Variants in RBM20 observed in about 807,000 individuals in gnomAD.
RBM20 encodes RNA binding motif protein 20.
Under a neutral mutation model 110.1 loss-of-function variants are expected in RBM20, and 51 were observed. The ratio of observed to expected loss-of-function variants is 0.46; its 90% CI spans 0.37 to 0.59. The LOEUF is 0.59. Ranked by LOEUF, RBM20 falls within the 20% of genes least tolerant of loss-of-function variation. The pLI is 0.00. For missense variants in RBM20, 1,512 were observed against 1,574.9 expected, an observed-to-expected ratio of 0.96 and a Z score of 0.68; for synonymous variants, 589 against 618.2, an observed-to-expected ratio of 0.95 and a Z score of 0.70.
intron 1 of RBM20, among the ~76,000 whole-genome samples, chr10:110,707,449 G>C (rs913423418): frequency 2.6e-5 from 4 of 152,110 alleles, no homozygotes; most frequent in Non-Finnish European, 1.5e-5. Flanking sequence ...GTTTTTTCTG[G>C]TTTTATTGCC....
chr10:110,670,461 G>A (rs1350349225), intron 1 of RBM20, among the ~76,000 whole-genome samples: 1 of 152,212 alleles, frequency 6.6e-6, no homozygotes, highest in Non-Finnish European at 1.5e-5. Flanking sequence ...GCTGCTGGGT[G>A]TGAAAAGCCC....
At chr10:110,796,642 A>C (rs909066457) in intron 5 of RBM20, among the ~76,000 whole-genome samples, 3 of 152,220 alleles carry the variant, frequency 2.0e-5, no homozygotes, top group African/African-American at 4.8e-5. Flanking sequence ...AGTCCCAGCT[A>C]TTCGGGAGGC....
intron 1 of RBM20, among the ~76,000 whole-genome samples, chr10:110,724,637 C>T (rs1421096272): frequency 2.0e-5 from 3 of 152,144 alleles, no homozygotes; most frequent in African/African-American, 7.2e-5. Context: ...GCGTGCTGGG[C>T]CATATCGTTG....
intron 1 of RBM20, among the ~76,000 whole-genome samples, chr10:110,732,932 C>A (rs1242164213): frequency 6.6e-6 from 1 of 152,174 alleles, no homozygotes; most frequent in Non-Finnish European, 1.5e-5. Context: ...ATCTCAGTGA[C>A]CAATATCATC....
intron 1 of RBM20, among the ~76,000 whole-genome samples, chr10:110,711,775 C>T (rs371991357): frequency 9.2e-4 from 140 of 152,334 alleles, no homozygotes; most frequent in African/African-American, 3.1e-3. Flanking sequence ...TTAGTATCAT[C>T]TGCGTACAAT....
chr10:110,771,162 T>C (rs746685275), intron 1 of RBM20, among the ~76,000 whole-genome samples: 2 of 152,260 alleles, frequency 1.3e-5, no homozygotes, highest in Non-Finnish European at 2.9e-5. Flanking sequence ...TGGTTTTTTT[T>C]GTGGGTTTTT....
At chr10:110,666,009 GA>G (rs1432455104) in intron 1 of RBM20, among the ~76,000 whole-genome samples, 4 of 151,014 alleles carry the variant, frequency 2.6e-5, no homozygotes, top group Non-Finnish European at 5.9e-5. Flanking sequence ...GAGAGAGAGA[GA>G]GAGAGAGGGG....
At chr10:110,791,321 T>C (rs1844480484) in intron 5 of RBM20, among the ~76,000 whole-genome samples, 1 of 152,172 alleles carries the variant, frequency 6.6e-6, no homozygotes, top group African/African-American at 2.4e-5. Flanking sequence ...TTAGATCACA[T>C]CTGAGACAGA....
chr10:110,834,611 G>A (rs963776504), intron 13 of RBM20, among the ~76,000 whole-genome samples: 7 of 152,112 alleles, frequency 4.6e-5, no homozygotes, highest in Non-Finnish European at 1.0e-4. Flanking sequence ...GCCTCTCTTC[G>A]ACTTCACAGC....
At chr10:110,813,475 G>A (rs1385735388) in intron 9 of RBM20, among the ~76,000 whole-genome samples, 1 of 152,152 alleles carries the variant, frequency 6.6e-6, no homozygotes, top group Non-Finnish European at 1.5e-5. Flanking sequence ...AGGAGAAGCC[G>A]TCACCACCTG....
At chr10:110,751,591 G>A (rs10885040) in intron 1 of RBM20, among the ~76,000 whole-genome samples, 3,314 of 152,160 alleles carry the variant, frequency 0.022, 132 homozygotes, top group African/African-American at 0.075. Flanking sequence ...CACCTAAACC[G>A]TCATGGCAAG....
At chr10:110,654,717 A>T (rs10885007) in intron 1 of RBM20, among the ~76,000 whole-genome samples, 56,039 of 151,984 alleles carry the variant, frequency 0.37, 12,144 homozygotes, top group East Asian at 0.59. Flanking sequence ...TCATACACAA[A>T]ATATGTATGG....
At chr10:110,789,805 G>T (rs1359747566) in intron 5 of RBM20, among the ~76,000 whole-genome samples, 1 of 152,154 alleles carries the variant, frequency 6.6e-6, no homozygotes, top group Non-Finnish European at 1.5e-5. Context: ...TTTCACTTAA[G>T]CTCCTGCCAT....
At chr10:110,807,666 A>G (rs1477210959) in intron 7 of RBM20, among the ~76,000 whole-genome samples, 1 of 152,218 alleles carries the variant, frequency 6.6e-6, no homozygotes, top group Non-Finnish European at 1.5e-5. Flanking sequence ...GCTCCCTGCC[A>G]AGACCATCCT....
In RBM20 at chr10:110,821,523, C is replaced by G. The variant is rs587781138; in HGVS notation, c.2904C>G (p.Ala968=). ...ATTTCCCCAAGGAAGGAGTCAAGGC[C>G]GTAGGGAATGGGGCTGCAGAAATCA... ...AQDFPKEGVK[A]VGNGAAEISL... The change falls in exon 11 of 14, where the codon GCC becomes GCG. Residue 968 remains alanine (A), a synonymous_variant. Coordinates refer to ENST00000369519, the MANE Select transcript of RBM20 (RefSeq NM_001134363.3). 2 of 1,551,968 alleles carry G rather than the reference C, an allele frequency of 1.3e-6. No homozygotes were observed. Among genetic ancestry groups the G allele is most frequent in the South Asian group, 1.2e-5 (1 of 84,058 alleles).
At chr10:110,669,612 C>A (rs1312239288) in intron 1 of RBM20, among the ~76,000 whole-genome samples, 1 of 152,186 alleles carries the variant, frequency 6.6e-6, no homozygotes, top group African/African-American at 2.4e-5. Flanking sequence ...AATGGAGATA[C>A]GGTCTTGCTG....
chr10:110,713,809 T>G (rs1862974624), intron 1 of RBM20, among the ~76,000 whole-genome samples: 1 of 152,152 alleles, frequency 6.6e-6, no homozygotes, highest in African/African-American at 2.4e-5. Flanking sequence ...GTTTCCCAGC[T>G]AGTAAGTGGC....
intron 12 of RBM20, among the ~76,000 whole-genome samples, chr10:110,823,990 G>A (rs1364506120): frequency 6.6e-6 from 1 of 151,732 alleles, no homozygotes; most frequent in Non-Finnish European, 1.5e-5. Flanking sequence ...GCTTCCCAAA[G>A]TGCTGGGACT....
intron 1 of RBM20, among the ~76,000 whole-genome samples, chr10:110,760,142 G>C (rs947324777): frequency 2.0e-5 from 3 of 152,158 alleles, no homozygotes; most frequent in Non-Finnish European, 4.4e-5. Context: ...ACAATGTGCT[G>C]GCGTGTTCCA....
Sources: gnomAD v4.1 joint callset for allele counts (sites outside exome capture counted in the v4.1 genomes callset) on GRCh38, gnomAD v4.1.1 for gene constraint, MANE v1.5 for transcripts, NCBI Gene and HGNC (gene_info 2026-07-23, HGNC 2026-07-21) for gene names.